The following RIMS2 variants were observed in gnomAD, a reference collection of about 807,000 sequenced individuals.
The protein encoded by RIMS2 is regulating synaptic membrane exocytosis protein 2.
RIMS2 carries 59 observed loss-of-function variants against 174.4 expected under a neutral mutation model. The ratio of observed to expected loss-of-function variants is 0.34; its 90% confidence interval spans 0.27 to 0.42. The LOEUF is 0.42. Among genes scored for constraint, RIMS2 ranks in the 10% least tolerant of loss-of-function variants. RIMS2 has a pLI of 1.00. For missense variants in RIMS2, 1,620 were observed against 1,666.3 expected (o/e 0.97, Z 0.48); for synonymous variants, 606 against 572.5 (o/e 1.06, Z -0.84).
At chr8:103,567,150 T>C (rs369107350) in intron 1 of RIMS2, among the ~76,000 whole-genome samples, 1 of 152,230 alleles carries the variant, frequency 6.6e-6, no homozygotes, top group Admixed American at 6.5e-5. Context: ...TCATAACATG[T>C]GTCAGTACTT....
chr8:103,602,974 T>C (rs984653569), intron 1 of RIMS2, among the ~76,000 whole-genome samples: 1 of 152,082 alleles, frequency 6.6e-6, no homozygotes, highest in African/African-American at 2.4e-5. Context: ...GCATCTGTTA[T>C]TTTTTGACTT....
intron 1 of RIMS2, among the ~76,000 whole-genome samples, chr8:103,562,874 C>T (rs367585771): frequency 3.9e-5 from 6 of 152,152 alleles, no homozygotes; most frequent in Non-Finnish European, 5.9e-5. Flanking sequence ...TCTGTGCACC[C>T]GCAGGCTCAA....
intron 19 of RIMS2, among the ~76,000 whole-genome samples, chr8:104,142,221 G>A (rs998475137): frequency 1.1e-4 from 17 of 149,284 alleles, no homozygotes; most frequent in South Asian, 6.5e-4. Context: ...TCCGCCTCCC[G>A]GGTTCAAGCG....
At chr8:104,219,357 A>G (rs942066611) in intron 19 of RIMS2, among the ~76,000 whole-genome samples, 1 of 152,236 alleles carries the variant, frequency 6.6e-6, no homozygotes, top group Non-Finnish European at 1.5e-5. Context: ...ACCTGAAATC[A>G]GGAACCCTGA....
At chr8:104,228,274 C>T (rs953463671) in intron 19 of RIMS2, among the ~76,000 whole-genome samples, 2 of 151,956 alleles carry the variant, frequency 1.3e-5, no homozygotes, top group Non-Finnish European at 2.9e-5. Flanking sequence ...GTGATCAGCC[C>T]GCCTCGACCT....
At chr8:103,934,710 T>G (rs1461517237) in intron 12 of RIMS2, among the ~76,000 whole-genome samples, 1 of 151,954 alleles carries the variant, frequency 6.6e-6, no homozygotes, top group East Asian at 1.9e-4. Flanking sequence ...TTTTTTTTTT[T>G]TTTTGAGACA....
intron 19 of RIMS2, among the ~76,000 whole-genome samples, chr8:104,107,888 GT>G: frequency 6.6e-6 from 1 of 152,122 alleles, no homozygotes; most frequent in Non-Finnish European, 1.5e-5. Context: ...TGATCAAACC[GT>G]TGCATTCCAG....
intron 1 of RIMS2, among the ~76,000 whole-genome samples, chr8:103,557,920 A>G (rs2131843737): frequency 6.6e-6 from 1 of 152,352 alleles, no homozygotes; most frequent in Admixed American, 6.5e-5. Context: ...ATGAATGTGC[A>G]ACCTTGAGCA....
At chr8:103,573,384 A>C (rs1338683189) in intron 1 of RIMS2, among the ~76,000 whole-genome samples, 1 of 151,952 alleles carries the variant, frequency 6.6e-6, no homozygotes, top group Non-Finnish European at 1.5e-5. Flanking sequence ...TCCATCTTGA[A>C]TTAATTTTTG....
At chr8:104,242,302 T>C (rs555693494) in intron 19 of RIMS2, among the ~76,000 whole-genome samples, 1 of 152,292 alleles carries the variant, frequency 6.6e-6, no homozygotes, top group Non-Finnish European at 1.5e-5. Context: ...CTAAATACTT[T>C]AGCATGTATC....
chr8:103,586,976 T>C (rs1165794195), intron 1 of RIMS2, among the ~76,000 whole-genome samples: 1 of 152,058 alleles, frequency 6.6e-6, no homozygotes, highest in Non-Finnish European at 1.5e-5. Context: ...ATCAATATAT[T>C]ATCAATAATA....
At chr8:103,864,278 T>A (rs1463741393) in intron 3 of RIMS2, among the ~76,000 whole-genome samples, 1 of 152,168 alleles carries the variant, frequency 6.6e-6, no homozygotes, top group African/African-American at 2.4e-5. Flanking sequence ...GTTGTTAGTT[T>A]GAGATCTTTC....
At chr8:103,847,300 A>T (rs1203245009) in intron 3 of RIMS2, among the ~76,000 whole-genome samples, 1 of 152,068 alleles carries the variant, frequency 6.6e-6, no homozygotes. Context: ...GCTTATGATA[A>T]CCATTGAATT....
intron 19 of RIMS2, among the ~76,000 whole-genome samples, chr8:104,232,136 AG>A (rs1298155929): frequency 6.6e-6 from 1 of 152,248 alleles, no homozygotes; most frequent in African/African-American, 2.4e-5. Flanking sequence ...TATCTCCCAC[AG>A]TACCTTACAT....
chr8:103,995,223 A>G (rs1237120741), intron 17 of RIMS2, among the ~76,000 whole-genome samples: 1 of 152,114 alleles, frequency 6.6e-6, no homozygotes, highest in Non-Finnish European at 1.5e-5. Flanking sequence ...TTTTAGTGCA[A>G]TCCAAAATAT....
intron 3 of RIMS2, among the ~76,000 whole-genome samples, chr8:103,799,628 C>A (rs2098590971): frequency 6.6e-6 from 1 of 152,126 alleles, no homozygotes; most frequent in South Asian, 2.1e-4. Context: ...TATTACTAAG[C>A]ATTTCATGTG....
At chr8:103,830,885 C>T (rs1386621809) in intron 3 of RIMS2, among the ~76,000 whole-genome samples, 1 of 152,128 alleles carries the variant, frequency 6.6e-6, no homozygotes, top group African/African-American at 2.4e-5. Flanking sequence ...CTTGGCTCAC[C>T]ACAGCCTCAT....
At chr8:103,961,090 A>G in exon 15 of RIMS2, 1 of 1,505,300 alleles carries the variant, frequency 6.6e-7, no homozygotes, top group Non-Finnish European at 9.2e-7. Context: ...GTGATAGTGA[A>G]GTCTCTGACT....
chr8:103,607,679 T>A (rs1213228147), intron 1 of RIMS2, among the ~76,000 whole-genome samples: 1 of 138,710 alleles, frequency 7.2e-6, no homozygotes, highest in East Asian at 2.0e-4. Context: ...GTCCCATATT[T>A]CTTGGAGGCT....
Sources: allele counts gnomAD v4.1 joint callset (sites outside exome capture counted in the v4.1 genomes callset), GRCh38; gene constraint gnomAD v4.1.1; transcripts MANE v1.5; gene names NCBI Gene and HGNC (gene_info 2026-07-23, HGNC 2026-07-21).